The following JCAD variants were observed in gnomAD, a reference collection of about 807,000 sequenced individuals.
JCAD encodes junctional cadherin 5 associated, also known as junctional cadherin 5-associated protein.
JCAD carries 40 observed loss-of-function variants against 98.0 expected under a neutral mutation model. The ratio of observed to expected loss-of-function variants is 0.41; its 90% CI spans 0.32 to 0.53. The LOEUF (loss-of-function observed/expected upper bound fraction) is 0.53. Among genes scored for constraint, JCAD ranks in the 20% least tolerant of loss-of-function variants. The pLI is 0.31. For missense variants in JCAD, 1,705 were observed against 1,738.1 expected, an observed-to-expected ratio of 0.98 and a Z score of 0.34; for synonymous variants, 691 against 682.3, an observed-to-expected ratio of 1.01 and a Z score of -0.20.
At position 30,092,127 on chromosome 10, in the gene JCAD, A is replaced by AATAT. The variant is rs1404067130; in HGVS notation, n.129-22307_129-22306insATAT. On this transcript the variant is annotated intron_variant and non_coding_transcript_variant, in intron 1 of 2. Coordinates refer to the JCAD transcript ENST00000465712. ...ATATATATATATATATATATATATA[A>AATAT]AAAACATTTTAACTCTTTGCAAGAA... is the stretch of plus-strand genomic sequence containing the variant. Among the ~76,000 whole-genome samples, 58 of 80,892 alleles carry AATAT rather than the reference A, an allele frequency of 7.2e-4. 2 individuals carry two copies. Among genetic ancestry groups the AATAT allele is most frequent in the Non-Finnish European group, 1.1e-3 (54 of 47,900 alleles). 53.1% of individuals were successfully genotyped at this position (80,892 alleles called of 152,430 possible). A position where few individuals can be genotyped will look rare whatever the true frequency, so the allele number is the denominator to read the frequency against.
At chr10:30,036,792 T>C (rs182996691) in intron 2 of JCAD, among the ~76,000 whole-genome samples, 31 of 152,334 alleles carry the variant, frequency 2.0e-4, no homozygotes, top group East Asian at 1.9e-4. Flanking sequence ...GCTGTGGTCA[T>C]TGGGGTGGGG....
intron 2 of JCAD, among the ~76,000 whole-genome samples, chr10:30,033,326 A>G (rs1220057076): frequency 6.6e-6 from 1 of 152,248 alleles, no homozygotes; most frequent in Non-Finnish European, 1.5e-5. Context: ...TGTGGATTCT[A>G]TTCTAAAACA....
At position 30,027,719 on chromosome 10, in the gene JCAD, C is replaced by T. The variant is rs1473783491; in HGVS notation, c.2429G>A (p.Cys810Tyr). The stretch of plus-strand genomic sequence containing the variant: ...CTGCCCAAAGAGTTGTTTACTGTTG[C>T]AAGGGCCCGTGGGCTCCCCCTTCAC... The part of the protein sequence containing the change: ...EVVKGEPTGP[C>Y]NSKQLFGQFL... The change falls in exon 3 of 4, where the codon TGC (cysteine) becomes TAC (tyrosine). Residue 810 changes from cysteine (C) to tyrosine (Y), a missense_variant. This residue lies in a region of JCAD where 1,278 missense variants were observed against 1,243.1 expected (regional missense o/e 1.03). Transcript: ENST00000375377. 6.2e-6 allele frequency: 10 copies of T among 1,614,252 alleles called. 1 individual carries two copies. In the South Asian group the frequency reaches 7.7e-5, roughly 12 times the overall value.
upstream of JCAD, among the ~76,000 whole-genome samples, chr10:30,061,631 G>A (rs76107919): frequency 0.015 from 2,302 of 152,150 alleles, 61 homozygotes; most frequent in East Asian, 0.087. Flanking sequence ...GAACCACCAG[G>A]GAAGACTTTG....
chr10:30,061,341 G>A (rs1378234504), upstream of JCAD, among the ~76,000 whole-genome samples: 5 of 152,116 alleles, frequency 3.3e-5, no homozygotes, highest in African/African-American at 1.2e-4. Context: ...TCTGGAGTTC[G>A]AGACCAGCCT....
chr10:30,068,247 C>T (rs761222350), intron 2 of JCAD, among the ~76,000 whole-genome samples: 7 of 151,842 alleles, frequency 4.6e-5, no homozygotes, highest in Admixed American at 1.3e-4. Context: ...AAAAATTAGC[C>T]GGGCATGGTG....
chr10:30,027,894 C>T lies in JCAD; in HGVS notation c.2254G>A (p.Gly752Ser), dbSNP rs767427663. ...KQRPSARNLK[G>S]HRSLSPSSNS... Reference sequence around the variant, plus strand: ...CTGGATGGGCTGAGGGACCTGTGACCTTTCAGGTTACGGGCACTTGGCCTC... The same window carrying T: ...CTGGATGGGCTGAGGGACCTGTGACTTTTCAGGTTACGGGCACTTGGCCTC... Residue 752 changes from glycine (G) to serine (S), a missense_variant, in exon 3 of 4, where the codon GGT becomes AGT. Around this residue, in one of 3 missense-constraint regions of JCAD, gnomAD observed 1,278 missense variants for 1,243.1 expected, o/e 1.03. Transcript: ENST00000375377. The T allele has an allele frequency of 6.2e-7, 1 of 1,614,222 alleles. No individual in the cohort carries two copies. Among genetic ancestry groups the T allele is most frequent in the Non-Finnish European group, 8.5e-7 (1 of 1,180,034 alleles).
chr10:30,115,402 A>C (rs1275539595), exon 1 of JCAD: 1 of 152,238 alleles, frequency 6.6e-6, no homozygotes, highest in East Asian at 1.9e-4. Context: ...GAGCGTCTAA[A>C]GAATTGAATT....
chr10:30,027,089 C>T lies in JCAD; in HGVS notation c.3059G>A (p.Arg1020Gln), dbSNP rs1210123872. 13 of 1,614,080 alleles carry T rather than the reference C, an allele frequency of 8.1e-6. No individual in the cohort carries two copies. The highest frequency in any genetic ancestry group is 1.7e-5 in the Admixed American group (1 of 59,998). Residue 1020 changes from arginine to glutamine, a missense_variant, in exon 3 of 4, where the codon CGG becomes CAG. Physicochemically the swap from Arg to Gln is conservative, Grantham distance 43 (BLOSUM62 1). Transcript: ENST00000375377. ...CCTCTCTCCACCACTGTCAAACTTCCGAGGGACCGCTTCACTTGGTTTCAC... is the reference window on the plus strand; with the variant it reads ...CCTCTCTCCACCACTGTCAAACTTCTGAGGGACCGCTTCACTTGGTTTCAC... ...SSVKPSEAVPRKFDSGGERGA... is the reference protein window; with the variant it reads ...SSVKPSEAVPQKFDSGGERGA...
At chr10:30,025,553 G>GGGAGGGGAGA (rs1836772029) in intron 3 of JCAD, among the ~76,000 whole-genome samples, 1 of 118,132 alleles carries the variant, frequency 8.5e-6, no homozygotes, top group Non-Finnish European at 1.9e-5. Flanking sequence ...GGGAGGGGAG[G>GGGAGGGGAGA]GGAGGGGAGG....
chr10:30,047,404 C>G (rs146272021), intron 2 of JCAD, 128 bp downstream of exon 2: 11,786 of 1,136,852 alleles, frequency 0.01, 190 homozygotes, highest in South Asian at 0.057. Context: ...AAAAAGTGTT[C>G]TTGTGTCTAA....
Position 30,027,906 on chromosome 10 carries a change from G to C in JCAD, c.2242C>G (p.Arg748Gly), listed in dbSNP as rs758587099. The change falls in exon 3 of 4, where the codon CGT (arginine) becomes GGT (glycine). Residue 748 changes from arginine to glycine, a missense_variant. Arg to Gly is a moderately radical substitution (Grantham distance 125). This residue lies in a region of JCAD where 1,278 missense variants were observed against 1,243.1 expected (regional missense o/e 1.03). Transcript: ENST00000375377. ...AGGGACCTGTGACCTTTCAGGTTAC[G>C]GGCACTTGGCCTCTGTTTGTGATCA... ...TGDHKQRPSA[R>G]NLKGHRSLSP... 8.1e-6 allele frequency: 13 copies of C among 1,614,096 alleles called. No individual in the cohort carries two copies. The highest frequency in any genetic ancestry group is 8.5e-6 in the Non-Finnish European group (10 of 1,180,034).
intron 2 of JCAD, among the ~76,000 whole-genome samples, chr10:30,035,644 T>C (rs1433539827): frequency 6.6e-6 from 1 of 152,260 alleles, no homozygotes; most frequent in African/African-American, 2.4e-5. Flanking sequence ...TTTTCTGATA[T>C]GTTTAAGGAA....
At chr10:30,023,757 A>T (rs1836718769) in intron 3 of JCAD, among the ~76,000 whole-genome samples, 3 of 152,124 alleles carry the variant, frequency 2.0e-5, no homozygotes, top group African/African-American at 7.2e-5. Flanking sequence ...CAAAAACGTC[A>T]TGAGGGAGGT....
At chr10:30,054,830 C>T (rs10826754) in intron 1 of JCAD, among the ~76,000 whole-genome samples, 35,231 of 151,630 alleles carry the variant, frequency 0.23, 4,744 homozygotes, top group East Asian at 0.31. Context: ...CCACCTCGCC[C>T]GGCTAATTTT....
At chr10:30,023,357 T>C (rs902996264) in intron 3 of JCAD, among the ~76,000 whole-genome samples, 5 of 152,154 alleles carry the variant, frequency 3.3e-5, no homozygotes, top group Non-Finnish European at 5.9e-5. Context: ...TCTTTAGATA[T>C]GTTTAGATAC....
chr10:30,099,208 A>G (rs1041639630), intron 1 of JCAD, among the ~76,000 whole-genome samples: 3 of 152,238 alleles, frequency 2.0e-5, no homozygotes, highest in African/African-American at 7.2e-5. Context: ...CTCATCTTTG[A>G]AACATAAGAC....
chr10:30,038,654 C>T (rs1359166430), intron 2 of JCAD, among the ~76,000 whole-genome samples: 10 of 138,570 alleles, frequency 7.2e-5, no homozygotes, highest in Admixed American at 1.5e-4. Context: ...CCACTGCACT[C>T]GCCTGGGTGA....
In JCAD at chr10:30,078,420, C is replaced by CT. The variant is rs201646369; in HGVS notation, n.129-8600dup. On this transcript the variant is annotated intron_variant and non_coding_transcript_variant, in intron 1 of 2. Coordinates refer to the JCAD transcript ENST00000465712. The stretch of plus-strand genomic sequence containing the variant: ...TTTCTTTCTTTTTCTTTCTTCCTTT[C>CT]TTTTTTTTTAATACAACAGCATCAG... Among the ~76,000 whole-genome samples, 1,410 of 151,394 alleles carry CT rather than the reference C, an allele frequency of 9.3e-3. 21 individuals carry two copies. Among genetic ancestry groups the CT allele is most frequent in the Middle Eastern group, 0.017 (5 of 292 alleles).
Sources: gnomAD v4.1 joint callset for allele counts (sites outside exome capture counted in the v4.1 genomes callset) on GRCh38, gnomAD v4.1.1 for gene constraint, gnomAD v4.1.1 regional missense constraint, MANE v1.5 for transcripts, NCBI Gene and HGNC (gene_info 2026-07-23, HGNC 2026-07-21) for gene names.